PHF24: variants seen among roughly 807,000 people sequenced by gnomAD.
PHF24 encodes the protein PHD finger protein 24.
PHF24 carries 25 observed loss-of-function variants against 42.6 expected under a neutral mutation model. The observed-to-expected ratio is 0.59, with a 90% CI of 0.43 to 0.82. The LOEUF (loss-of-function observed/expected upper bound fraction) is 0.82. Ranked by LOEUF, PHF24 falls within the 40% of genes least tolerant of loss-of-function variation. The probability of loss-of-function intolerance (pLI) is 0.00; values close to 1 mark genes in which losing one functional copy is unlikely to be tolerated. For synonymous variants in PHF24, 185 were observed against 204.8 expected, an observed-to-expected ratio of 0.90 and a Z score of 0.83; for missense variants, 470 against 538.1, an observed-to-expected ratio of 0.87 and a Z score of 1.25.
At chr9:34,950,010 TA>T in the PHF24 span, among the ~76,000 whole-genome samples, 2 of 142,708 alleles carry the variant, frequency 1.4e-5, no homozygotes, top group Non-Finnish European at 1.5e-5. Context: ...GTACTTAGAG[TA>T]AAAAAAAAGA....
chr9:34,884,224 G>A, the PHF24 span, among the ~76,000 whole-genome samples: 1 of 152,144 alleles, frequency 6.6e-6, no homozygotes, highest in Non-Finnish European at 1.5e-5. Flanking sequence ...ATGGAGTTGG[G>A]GGAGTGGGGA....
At chr9:34,728,167 C>T in the PHF24 span, 1 of 1,256,858 alleles carries the variant, frequency 8.0e-7, no homozygotes, top group Non-Finnish European at 1.1e-6. Flanking sequence ...GCCTTTGACT[C>T]TCATCAAGAA....
upstream of PHF24, among the ~76,000 whole-genome samples, chr9:34,955,089 G>T (rs1455416417): frequency 6.6e-6 from 1 of 152,184 alleles, no homozygotes; most frequent in Non-Finnish European, 1.5e-5. Flanking sequence ...GCCCAGGCTG[G>T]TCTCAAACTC....
the PHF24 span, chr9:34,835,237 A>G: frequency 6.4e-7 from 1 of 1,552,250 alleles, no homozygotes; most frequent in East Asian, 2.4e-5. Flanking sequence ...TCTGGAGGGA[A>G]ATGGTCTCAG....
the PHF24 span, among the ~76,000 whole-genome samples, chr9:34,916,811 G>A: frequency 2.6e-5 from 4 of 152,252 alleles, no homozygotes; most frequent in South Asian, 2.1e-4. Flanking sequence ...CAGAGAGTGC[G>A]TGGGAGCATT....
upstream of PHF24, among the ~76,000 whole-genome samples, chr9:34,955,854 A>G (rs1826359863): frequency 6.6e-6 from 1 of 152,164 alleles, no homozygotes; most frequent in Admixed American, 6.5e-5. Context: ...ACTACCTCCA[A>G]AAAGTTTGCA....
chr9:34,665,878 C>T, the PHF24 span: 1 of 588,208 alleles, frequency 1.7e-6, no homozygotes, highest in Non-Finnish European at 3.0e-6. Flanking sequence ...CGGTCATCTC[C>T]GGGGCCTGGG....
the PHF24 span, among the ~76,000 whole-genome samples, chr9:34,767,363 C>T: frequency 1.9e-4 from 29 of 152,376 alleles, no homozygotes; most frequent in African/African-American, 6.5e-4. Context: ...CCACCCAGTT[C>T]GAGCTTCCAG....
the PHF24 span, among the ~76,000 whole-genome samples, chr9:34,886,835 T>TATCTATC: frequency 4.1e-5 from 1 of 24,516 alleles, no homozygotes; most frequent in Non-Finnish European, 1.9e-4. Flanking sequence ...TGTATCTATG[T>TATCTATC]ATCTATCTAT....
At chr9:34,930,420 C>T in the PHF24 span, among the ~76,000 whole-genome samples, 3 of 152,198 alleles carry the variant, frequency 2.0e-5, no homozygotes, top group Non-Finnish European at 2.9e-5. Context: ...AGCCTCTTCA[C>T]TGAAGGAGGC....
chr9:34,742,163 T>G, the PHF24 span, among the ~76,000 whole-genome samples: 1 of 152,190 alleles, frequency 6.6e-6, no homozygotes, highest in African/African-American at 2.4e-5. Context: ...TTTTGTGAAA[T>G]ATCAGCAAGA....
the PHF24 span, among the ~76,000 whole-genome samples, chr9:34,903,945 T>C: frequency 6.6e-6 from 1 of 152,208 alleles, no homozygotes; most frequent in Non-Finnish European, 1.5e-5. Flanking sequence ...TTTCAGCTAT[T>C]GTAAGGGAGG....
At chr9:34,969,679 T>C (rs994284859) in intron 1 of PHF24, among the ~76,000 whole-genome samples, 10 of 152,064 alleles carry the variant, frequency 6.6e-5, no homozygotes, top group African/African-American at 2.4e-4. Flanking sequence ...CTGCCCTCTT[T>C]CCCTTTATCC....
At chr9:34,688,180 G>A in the PHF24 span, among the ~76,000 whole-genome samples, 4 of 152,076 alleles carry the variant, frequency 2.6e-5, no homozygotes, top group Non-Finnish European at 4.4e-5. Flanking sequence ...GCCTGCCCAG[G>A]CCTGGTTTTG....
chr9:34,970,757 T>A (rs1406095499), intron 1 of PHF24, among the ~76,000 whole-genome samples: 2 of 152,178 alleles, frequency 1.3e-5, no homozygotes. Context: ...AGCAGAGGTG[T>A]AGGACCCCTG....
At chr9:34,915,524 A>C in the PHF24 span, among the ~76,000 whole-genome samples, 2 of 150,850 alleles carry the variant, frequency 1.3e-5, no homozygotes, top group Non-Finnish European at 1.5e-5. Context: ...CAGAAGTATC[A>C]AAGCTAGAAA....
the PHF24 span, among the ~76,000 whole-genome samples, chr9:34,741,519 C>T: frequency 9.2e-5 from 14 of 152,030 alleles, no homozygotes; most frequent in South Asian, 2.1e-4. Context: ...TGTGCCACCA[C>T]GCCCAGCTAA....
chr9:34,797,124 G>T, the PHF24 span, among the ~76,000 whole-genome samples: 42 of 152,274 alleles, frequency 2.8e-4, no homozygotes, highest in African/African-American at 9.6e-4. Context: ...GCGTGCGATG[G>T]GGGTGTGGCT....
chr9:34,760,898 G>T, the PHF24 span, among the ~76,000 whole-genome samples: 1 of 152,094 alleles, frequency 6.6e-6, no homozygotes, highest in South Asian at 2.1e-4. Context: ...AGGCTGAGGT[G>T]GGAGGATTGC....
Sources: gnomAD v4.1 joint callset for allele counts (sites outside exome capture counted in the v4.1 genomes callset) on GRCh38, gnomAD v4.1.1 for gene constraint, MANE v1.5 for transcripts, NCBI Gene and HGNC (gene_info 2026-07-23, HGNC 2026-07-21) for gene names.